Variants in PCDH17 observed in about 807,000 individuals in gnomAD.
PCDH17 encodes the protein protocadherin-17.
Under a neutral mutation model 67.7 loss-of-function variants are expected in PCDH17, and 21 were observed. The ratio of observed to expected loss-of-function variants is 0.31; its 90% confidence interval spans 0.22 to 0.45. PCDH17 has a LOEUF of 0.45. PCDH17 is among the 20% of genes least tolerant of loss of function. The pLI is 1.00. For synonymous variants in PCDH17, 701 were observed against 656.7 expected (o/e 1.07, Z -1.03); for missense variants, 1,471 against 1,564.8 (o/e 0.94, Z 1.01).
rs530753213 is a variant in PCDH17 at position 57,638,988 on chromosome 13, T to G, written c.2565+3877T>G. Among the ~76,000 whole-genome samples, 14 of 152,130 alleles carry G rather than the reference T, an allele frequency of 9.2e-5. No homozygotes were observed. In the Middle Eastern group the frequency reaches 0.01, roughly 111 times the overall value. On this transcript the variant is annotated intron_variant, in intron 1 of 3. Transcript: ENST00000377918. ...ATACAAAGTGCGTGAACAATTTATT[T>G]TGGTATTTATAATTTTGGAGATATT...
In PCDH17 at chr13:57,725,171, G is replaced by A. The variant is rs377617719; in HGVS notation, c.3357G>A (p.Glu1119=). 32 of 1,614,140 alleles carry A rather than the reference G, an allele frequency of 2.0e-5. No homozygotes were observed. In the Middle Eastern group the frequency reaches 9.9e-4, roughly 50 times the overall value. The change falls in exon 4 of 4, where the codon GAG becomes GAA. Residue 1119 remains glutamate (E), a synonymous_variant. Transcript: ENST00000377918. ...RDSSEMGAVL[E]QLDHPNRDLG... is the part of the protein sequence containing the mutation. ...CCAGTGAGATGGGTGCTGTTCTTGA[G>A]CAGCTTGACCACCCCAACAGGGATC...
Position 57,725,526 on chromosome 13 carries a change from T to A in PCDH17, c.*232T>A. ...ACTTGTATTAGGACAGAATTAATGATGCTTAAAGAGAAAAGAAAAAAAGAG... is the reference window on the plus strand; with the variant it reads ...ACTTGTATTAGGACAGAATTAATGAAGCTTAAAGAGAAAAGAAAAAAAGAG... On this transcript the variant is annotated 3_prime_UTR_variant, in exon 4 of 4. Transcript: ENST00000377918. 1 of 433,970 alleles carries A rather than the reference T, an allele frequency of 2.3e-6. No individual in the cohort carries two copies. The highest frequency in any genetic ancestry group is 3.9e-5 in the Admixed American group (1 of 25,608). The allele number at this position is 433,970 out of a possible 1,614,324, so 26.9% of individuals were successfully genotyped here.
chr13:57,716,204 T>C (rs1955815402), intron 3 of PCDH17, among the ~76,000 whole-genome samples: 1 of 152,042 alleles, frequency 6.6e-6, no homozygotes, highest in African/African-American at 2.4e-5. Flanking sequence ...TGGTGTCTGA[T>C]GACTTTCCAA....
intron 3 of PCDH17, among the ~76,000 whole-genome samples, chr13:57,693,968 T>G (rs1354557375): frequency 2.7e-5 from 4 of 148,444 alleles, no homozygotes; most frequent in Non-Finnish European, 6.1e-5. Context: ...AGTCAAGTGT[T>G]TTTTTTTTTT....
intron 3 of PCDH17, among the ~76,000 whole-genome samples, chr13:57,686,939 G>A (rs925736277): frequency 6.6e-6 from 1 of 151,950 alleles, no homozygotes; most frequent in Non-Finnish European, 1.5e-5. Flanking sequence ...TGACTATTGT[G>A]TTTTATTTGA....
At chr13:57,668,166 C>T (rs1343411452) in intron 3 of PCDH17, among the ~76,000 whole-genome samples, 1 of 151,798 alleles carries the variant, frequency 6.6e-6, no homozygotes, top group Non-Finnish European at 1.5e-5. Flanking sequence ...GTTTACTTGA[C>T]GTGACTTAAA....
Position 57,633,806 on chromosome 13 carries a change from C to A in PCDH17, c.1260C>A (p.Asn420Lys), listed in dbSNP as rs910974483. Reference sequence around the variant, plus strand: ...TCAAGCTTGAGGAGAACTACGACAACTTCTACACGGTGGTGACTGACCGCC... The same window carrying A: ...TCAAGCTTGAGGAGAACTACGACAAATTCTACACGGTGGTGACTGACCGCC... The part of the protein sequence containing the change: ...VPFKLEENYD[N>K]FYTVVTDRPL... The change falls in exon 1 of 4, where the codon AAC (asparagine) becomes AAA (lysine). Residue 420 changes from asparagine (N) to lysine (K), a missense_variant. Around this residue, in one of 3 missense-constraint regions of PCDH17, gnomAD observed 1,163 missense variants for 1,230.0 expected, o/e 0.95. Transcript: ENST00000377918. This position sits in a 1 kb window ranked among gnomAD's most constrained non-coding sequence, Gnocchi z 6.2. 1 of 1,610,632 alleles carries A rather than the reference C, an allele frequency of 6.2e-7. No individual in the cohort carries two copies. Among genetic ancestry groups the A allele is most frequent in the South Asian group, 1.1e-5 (1 of 91,012 alleles).
At chr13:57,723,155 A>C (rs1955885186) in intron 3 of PCDH17, among the ~76,000 whole-genome samples, 1 of 152,234 alleles carries the variant, frequency 6.6e-6, no homozygotes, top group Non-Finnish European at 1.5e-5. Context: ...TTCTTTTAAA[A>C]AATGACAAAA....
rs2138112876 is a variant in PCDH17 at position 57,728,587 on chromosome 13, T to G, written c.*3293T>G. On this transcript the variant is annotated 3_prime_UTR_variant, in exon 4 of 4. Transcript: ENST00000377918. The stretch of plus-strand genomic sequence containing the variant: ...CAGAGTTAAAAGTAGTGAGAATCTG[T>G]TAGTTATACGTATACCAAAGTAAAC... The G allele has an allele frequency of 6.6e-6, 1 of 150,942 alleles. No individual in the cohort carries two copies. Among genetic ancestry groups the G allele is most frequent in the South Asian group, 2.1e-4 (1 of 4,784 alleles). 9.4% of individuals were successfully genotyped at this position (150,942 alleles called of 1,614,324 possible). A position where few individuals can be genotyped will look rare whatever the true frequency, so the allele number is the denominator to read the frequency against.
At chr13:57,679,544 C>G (rs1441607773) in intron 3 of PCDH17, among the ~76,000 whole-genome samples, 2 of 151,428 alleles carry the variant, frequency 1.3e-5, no homozygotes, top group Non-Finnish European at 3.0e-5. Context: ...ACCCTTACCT[C>G]TGACACTGGG....
intron 3 of PCDH17, among the ~76,000 whole-genome samples, chr13:57,681,362 G>A (rs760642351): frequency 1.3e-5 from 2 of 151,722 alleles, no homozygotes; most frequent in Non-Finnish European, 2.9e-5. Flanking sequence ...AAAGATTTAT[G>A]GAGAGTACTT....
chr13:57,663,165 A>G (rs1955204541), intron 1 of PCDH17, among the ~76,000 whole-genome samples: 1 of 152,252 alleles, frequency 6.6e-6, no homozygotes, highest in South Asian at 2.1e-4. Context: ...GGTACATGTG[A>G]TATTTTTAAT....
At chr13:57,647,289 T>G (rs1178615853) in intron 1 of PCDH17, among the ~76,000 whole-genome samples, 1 of 151,820 alleles carries the variant, frequency 6.6e-6, no homozygotes. Flanking sequence ...AAATACATGA[T>G]TGTGAGTGAA....
rs756849753 is a variant in PCDH17, at chr13:57,724,803, A to C, written c.2989A>C (p.Thr997Pro). ...YETVNPTGKK[T>P]FCTFGKDKRE... ...AACTGTGAATCCCACTGGGAAAAAG[A>C]CTTTTTGTACATTTGGAAAAGACAA... The change falls in exon 4 of 4, where the codon ACT (threonine) becomes CCT (proline). Residue 997 changes from threonine (T) to proline (P), a missense_variant. Around this residue, in one of 3 missense-constraint regions of PCDH17, gnomAD observed 297 missense variants for 298.6 expected, o/e 0.99. Coordinates refer to ENST00000377918, the MANE Select transcript of PCDH17 (RefSeq NM_001040429.3). The C allele has an allele frequency of 6.2e-7, 1 of 1,614,148 alleles. No individual in the cohort carries two copies. The highest frequency in any genetic ancestry group is 8.5e-7 in the Non-Finnish European group (1 of 1,180,012).
chr13:57,679,379 T>C (rs1200850216), intron 3 of PCDH17, among the ~76,000 whole-genome samples: 1 of 148,154 alleles, frequency 6.7e-6, no homozygotes, highest in Non-Finnish European at 1.5e-5. Flanking sequence ...AAAAGGAGTA[T>C]AAGGGGTGAT....
At chr13:57,657,494 G>A (rs1345277996) in intron 1 of PCDH17, among the ~76,000 whole-genome samples, 1 of 152,172 alleles carries the variant, frequency 6.6e-6, no homozygotes, top group Admixed American at 6.5e-5. Context: ...TTAAAATGCC[G>A]TTGCCTACTT....
chr13:57,633,918 T>A lies in PCDH17; in HGVS notation c.1372T>A (p.Phe458Ile), dbSNP rs539857227. 1 of 1,613,362 alleles carries A rather than the reference T, an allele frequency of 6.2e-7. No individual in the cohort carries two copies. Among genetic ancestry groups the A allele is most frequent in the African/African-American group, 1.3e-5 (1 of 75,070 alleles). The change falls in exon 1 of 4, where the codon TTC becomes ATC. Residue 458 changes from phenylalanine (F) to isoleucine (I), a missense_variant. This residue lies in a region of PCDH17 where 1,163 missense variants were observed against 1,230.0 expected (regional missense o/e 0.95). Transcript: ENST00000377918. This position sits in a 1 kb window ranked among gnomAD's most constrained non-coding sequence, Gnocchi z 6.2. ...GSPPLNSTKS[F>I]AIKILDENDN... ...TCCTCCCCTCAACTCCACCAAGTCG[T>A]TCGCGATCAAGATTCTAGACGAGAA...
In PCDH17 at chr13:57,724,676, G is replaced by T; in HGVS notation, c.2862G>T (p.Trp954Cys). The change falls in exon 4 of 4, where the codon TGG (tryptophan) becomes TGT (cysteine). Residue 954 changes from tryptophan (W) to cysteine (C), a missense_variant. By Grantham distance (215) the Trp-to-Cys change is radical (BLOSUM62 -2). This residue lies in a region of PCDH17 where 297 missense variants were observed against 298.6 expected (regional missense o/e 0.99). Transcript: ENST00000377918. The stretch of plus-strand genomic sequence containing the variant: ...TGCTTGGTCATTCTGACAGGTGCTG[G>T]ATGCCACAGTTCCCTGCAGCCAATC... Reference protein sequence around the residue: ...CRVLGHSDRCWMPQFPAANQA... With the variant: ...CRVLGHSDRCCMPQFPAANQA... 1 of 1,614,052 alleles carries T rather than the reference G, an allele frequency of 6.2e-7. No individual in the cohort carries two copies. The highest frequency in any genetic ancestry group is 2.2e-5 in the East Asian group (1 of 44,854).
intron 3 of PCDH17, among the ~76,000 whole-genome samples, chr13:57,699,475 A>G (rs990029315): frequency 2.6e-5 from 4 of 151,916 alleles, no homozygotes; most frequent in Non-Finnish European, 5.9e-5. Flanking sequence ...TGTATGATTT[A>G]TTTGCACAGT....
Sources: allele counts gnomAD v4.1 joint callset (sites outside exome capture counted in the v4.1 genomes callset), GRCh38; gene constraint gnomAD v4.1.1; regional missense constraint gnomAD v4.1.1; non-coding constraint Gnocchi (gnomAD v3.1); transcripts MANE v1.5; gene names NCBI Gene and HGNC (gene_info 2026-07-23, HGNC 2026-07-21).